The following MAP1LC3A variants were observed in gnomAD, a reference collection of about 807,000 sequenced individuals.
The protein encoded by MAP1LC3A is microtubule-associated protein 1 light chain 3 alpha.
In MAP1LC3A, 10 loss-of-function variants were observed where a neutral mutation model predicts 15.2. The ratio of observed to expected loss-of-function variants is 0.66; its 90% CI spans 0.41 to 1.12. MAP1LC3A has a LOEUF of 1.12. Among genes scored for constraint, MAP1LC3A ranks in the 50% most tolerant of loss-of-function variants. MAP1LC3A has a pLI of 0.00. For missense variants in MAP1LC3A, 138 were observed against 167.3 expected (o/e 0.82, Z 0.97); for synonymous variants, 63 against 64.3 (o/e 0.98, Z 0.10).
At chr20:34,548,086 TG>T (rs1295490526) in intron 1 of MAP1LC3A, among the ~76,000 whole-genome samples, 1 of 150,634 alleles carries the variant, frequency 6.6e-6, no homozygotes, top group Non-Finnish European at 1.5e-5. Context: ...AGGACTGCAA[TG>T]GCAGGTGAGG....
At chr20:34,553,635 C>A (rs928596173) in intron 2 of MAP1LC3A, among the ~76,000 whole-genome samples, 1 of 152,194 alleles carries the variant, frequency 6.6e-6, no homozygotes, top group Non-Finnish European at 1.5e-5. Flanking sequence ...CAAAAGTCGG[C>A]AAACTAAGGC....
upstream of MAP1LC3A, chr20:34,558,635 T>C (rs1600572331): frequency 4.1e-6 from 5 of 1,220,586 alleles, no homozygotes; most frequent in African/African-American, 1.6e-5. This position sits in a 1 kb window ranked among gnomAD's most constrained non-coding sequence, Gnocchi z 4.3. Context: ...ACGTCACGGG[T>C]CCGGGCGGGC....
At chr20:34,559,502 C>G (rs371458827) in intron 3 of MAP1LC3A, 49 bp downstream of exon 3, 1 of 1,526,272 alleles carries the variant, frequency 6.6e-7, no homozygotes, top group South Asian at 1.2e-5. Flanking sequence ...GGAGGGGAGC[C>G]GGGTTCCCGC....
chr20:34,553,175 C>T (rs1001253856), intron 2 of MAP1LC3A, among the ~76,000 whole-genome samples: 1 of 151,752 alleles, frequency 6.6e-6, no homozygotes, highest in East Asian at 1.9e-4. Flanking sequence ...AGGTGACGAG[C>T]GAAATTGCAT....
chr20:34,558,808 A>C lies in MAP1LC3A; in HGVS notation c.-61A>C. 1 of 1,394,140 alleles carries C rather than the reference A, an allele frequency of 7.2e-7. No homozygotes were observed. The highest frequency in any genetic ancestry group is 9.2e-7 in the Non-Finnish European group (1 of 1,081,632). The allele number at this position is 1,394,140 out of a possible 1,614,324, so 86.4% of individuals were successfully genotyped here. ...AGGCGCGGAGCCCCCGGAGCCCCCA[A>C]ACCGCAGACACATCCCCGCGCCCCA... On this transcript the variant is annotated 5_prime_UTR_variant, in exon 1 of 4. Coordinates refer to ENST00000360668, the MANE Select transcript of MAP1LC3A (RefSeq NM_032514.4). The surrounding 1 kb of genome is among the most constrained non-coding windows in gnomAD (Gnocchi z 4.3).
At chr20:34,559,287 G>GCCCCCCCCC in intron 2 of MAP1LC3A, 24 bp downstream of exon 2, 1 of 1,564,194 alleles carries the variant, frequency 6.4e-7, no homozygotes, top group Admixed American at 1.8e-5. Flanking sequence ...CCCCAGCCCT[G>GCCCCCCCCC]CCCCGCCCCC....
upstream of MAP1LC3A, among the ~76,000 whole-genome samples, chr20:34,555,570 T>G (rs1279290287): frequency 6.6e-6 from 1 of 152,072 alleles, no homozygotes; most frequent in East Asian, 1.9e-4. Context: ...TTACTCCTTC[T>G]TAAATTTCTT....
In MAP1LC3A at chr20:34,559,910, G is replaced by C. The variant is rs369795232; in HGVS notation, c.*12G>C. ...CCTTCGGCTTCTGAGCCAGCAGTAG[G>C]GGGGCTCGGCCTGGGAGTCGGGCGG... On this transcript the variant is annotated 3_prime_UTR_variant, in exon 4 of 4. Transcript: ENST00000360668. 98 of 1,606,378 alleles carry C rather than the reference G, an allele frequency of 6.1e-5. No individual in the cohort carries two copies. The African/African-American group carries it at 9.5e-4, about 16-fold the overall frequency.
In MAP1LC3A at chr20:34,559,803, G is replaced by A; in HGVS notation, c.271G>A (p.Val91Met). The A allele has an allele frequency of 2.5e-6, 4 of 1,613,974 alleles. No individual in the cohort carries two copies. The highest frequency in any genetic ancestry group is 3.4e-6 in the Non-Finnish European group (4 of 1,179,986). Residue 91 changes from valine to methionine, a missense_variant, in exon 4 of 4, where the codon GTG (valine) becomes ATG (methionine). By Grantham distance (21) the Val-to-Met change is conservative. Coordinates refer to ENST00000360668, the MANE Select transcript of MAP1LC3A (RefSeq NM_032514.4). Reference protein sequence around the residue: ...LLVNQHSMVSVSTPIADIYEQ... With the variant: ...LLVNQHSMVSMSTPIADIYEQ... ...GGTGAACCAGCACAGCATGGTGAGTGTGTCCACGCCCATCGCGGACATCTA... is the reference window on the plus strand; with the variant it reads ...GGTGAACCAGCACAGCATGGTGAGTATGTCCACGCCCATCGCGGACATCTA...
At chr20:34,557,823 G>A (rs150674472), upstream of MAP1LC3A, among the ~76,000 whole-genome samples, 65 of 152,248 alleles carry the variant, frequency 4.3e-4, 1 homozygote, top group East Asian at 0.013. Flanking sequence ...TACTGAGGAG[G>A]CTGACTGAGG....
At chr20:34,550,218 G>A (rs990628203) in intron 2 of MAP1LC3A, among the ~76,000 whole-genome samples, 2 of 152,242 alleles carry the variant, frequency 1.3e-5, no homozygotes, top group African/African-American at 4.8e-5. Flanking sequence ...GGAATGAGGG[G>A]TGGGAGCAGA....
At chr20:34,551,365 G>A (rs1568610256) in intron 2 of MAP1LC3A, among the ~76,000 whole-genome samples, 1 of 151,730 alleles carries the variant, frequency 6.6e-6, no homozygotes, top group Non-Finnish European at 1.5e-5. Context: ...AGAATTTCTA[G>A]ACCAGGCCAG....
rs1374881591 is a variant in MAP1LC3A, at chr20:34,559,203, C to T, written c.41-5C>T. The T allele has an allele frequency of 2.5e-6, 4 of 1,589,772 alleles. No homozygotes were observed. The highest frequency in any genetic ancestry group is 1.7e-5 in the Admixed American group (1 of 58,170). ...CCGGCCTCACGGTCTGGCCGCTGTC[C>T]GCAGCCGACCGCTGTAAGGAGGTAC... On this transcript the variant is annotated splice_region_variant and splice_polypyrimidine_tract_variant and intron_variant, in intron 1 of 3. Transcript: ENST00000360668.
At chr20:34,552,480 C>G (rs561451288) in intron 2 of MAP1LC3A, among the ~76,000 whole-genome samples, 1 of 152,322 alleles carries the variant, frequency 6.6e-6, no homozygotes, top group East Asian at 1.9e-4. Flanking sequence ...ACAGAGATCC[C>G]GGGGAAGGAT....
Position 34,560,091 on chromosome 20 carries a change from C to T in MAP1LC3A, c.*193C>T, listed in dbSNP as rs1982390568. On this transcript the variant is annotated 3_prime_UTR_variant, in exon 4 of 4. Coordinates refer to ENST00000360668, the MANE Select transcript of MAP1LC3A (RefSeq NM_032514.4). ...TGGGCCGGTCGTGTTAGGGTTGTCC[C>T]TCTGGGTGCTGGCTGGTGGGATGGG... is the stretch of plus-strand genomic sequence containing the variant. 2 of 491,310 alleles carry T rather than the reference C, an allele frequency of 4.1e-6. No individual in the cohort carries two copies. Among genetic ancestry groups the T allele is most frequent in the African/African-American group, 2.0e-5 (1 of 49,670 alleles). The allele number at this position is 491,310 out of a possible 1,614,324, so 30.4% of individuals were successfully genotyped here.
Position 34,547,695 on chromosome 20 carries a change from C to T in MAP1LC3A, c.-74+779C>T, listed in dbSNP as rs552471651. Among the ~76,000 whole-genome samples the T allele has an allele frequency of 3.3e-5, 5 of 152,126 alleles. No homozygotes were observed. In the South Asian group the frequency reaches 6.2e-4, roughly 19 times the overall value. On this transcript the variant is annotated intron_variant, in intron 1 of 4. Coordinates refer to the MAP1LC3A transcript ENST00000374837. ...AAGGTGCCTGCTTCCCCGTCACCTT[C>T]CTCCAGGATTGTGAGTTTCCTGAGG... is the stretch of plus-strand genomic sequence containing the variant.
chr20:34,555,176 A>C (rs1356682226), upstream of MAP1LC3A, among the ~76,000 whole-genome samples: 9 of 140,116 alleles, frequency 6.4e-5, no homozygotes, highest in Non-Finnish European at 1.1e-4. Context: ...ACAGAGTCTC[A>C]CTCTTGTCAC....
intron 2 of MAP1LC3A, among the ~76,000 whole-genome samples, chr20:34,552,491 G>A (rs919431697): frequency 6.6e-6 from 1 of 152,266 alleles, no homozygotes; most frequent in African/African-American, 2.4e-5. Context: ...GGGGAAGGAT[G>A]TTCCAGGCAA....
chr20:34,554,354 GTTTTTTTTTTTTT>G (rs537779341), upstream of MAP1LC3A, among the ~76,000 whole-genome samples: 2 of 106,178 alleles, frequency 1.9e-5, no homozygotes, highest in African/African-American at 7.9e-5. Context: ...TATACGTTGG[GTTTTTTTTTTTTT>G]TTTTTTTTTT....
Sources: gnomAD v4.1 joint callset for allele counts (sites outside exome capture counted in the v4.1 genomes callset) on GRCh38, gnomAD v4.1.1 for gene constraint, Gnocchi (gnomAD v3.1) non-coding constraint, MANE v1.5 for transcripts, NCBI Gene and HGNC (gene_info 2026-07-23, HGNC 2026-07-21) for gene names.